BAHCC1: variants seen among roughly 807,000 people sequenced by gnomAD.
The protein encoded by BAHCC1 is BAH domain and coiled-coil containing 1, also known as BAH and coiled-coil domain-containing protein 1.
In BAHCC1, 43 loss-of-function variants were observed where a neutral mutation model predicts 88.2. That is an observed-to-expected ratio of 0.49 (90% CI 0.38 to 0.63). The LOEUF (loss-of-function observed/expected upper bound fraction) is 0.63, where lower values mean the gene tolerates loss of function less well. BAHCC1 is among the 20% of genes least tolerant of loss of function. The pLI, the probability that BAHCC1 is intolerant of heterozygous loss-of-function variation, is 0.00. For missense variants in BAHCC1, 3,023 were observed against 1,654.8 expected (o/e 1.83, Z -14.34); for synonymous variants, 1,510 against 745.5 (o/e 2.03, Z -16.71).
intron 2 of BAHCC1, chr17:81,421,915 C>T (rs1468353119): frequency 9.9e-6 from 4 of 405,282 alleles, no homozygotes; most frequent in East Asian, 9.5e-5. Context: ...CCATGTGATA[C>T]TGGAGAAGGG....
intron 2 of BAHCC1, among the ~76,000 whole-genome samples, chr17:81,405,882 C>A (rs1339920537): frequency 3.9e-5 from 6 of 152,228 alleles, no homozygotes; most frequent in Admixed American, 3.9e-4. Context: ...TCTCCCCCAA[C>A]CCCCTGAGCT....
At chr17:81,455,125 C>T in intron 14 of BAHCC1, 142 bp from the exon 15 acceptor site, 1 of 612,072 alleles carries the variant, frequency 1.6e-6, no homozygotes, top group South Asian at 1.9e-5. Flanking sequence ...CGGGGCCCCT[C>T]ACCCCCTGCT....
rs375016349 is a variant in BAHCC1, at chr17:81,413,603, C to T, written c.179-13197C>T. ...CACCTGTGGGAGGTCCGTTCCCAGA[C>T]GTCCTGCCTTGGTGGAGTGAGCAGA... On this transcript the variant is annotated intron_variant, in intron 2 of 27. Transcript: ENST00000675386. 4.2e-4 allele frequency among the ~76,000 whole-genome samples: 64 copies of T among 152,380 alleles called. 1 individual carries two copies. Among genetic ancestry groups the T allele is most frequent in the African/African-American group, 1.1e-3 (47 of 41,592 alleles).
intron 11 of BAHCC1, 113 bp downstream of exon 11, chr17:81,447,961 AGTGTGGTAG>A (rs1555655055): frequency 4.5e-6 from 3 of 662,488 alleles, no homozygotes; most frequent in Admixed American, 4.2e-5. Context: ...TTGTCCCCAA[AGTGTGGTAG>A]GTCCCCTGGA....
rs782395761 is a variant in BAHCC1, at chr17:81,447,125, A to G, written c.3253A>G (p.Thr1085Ala). 6.4e-6 allele frequency: 5 copies of G among 778,892 alleles called. No homozygotes were observed. The Admixed American group carries it at 8.5e-5, about 13-fold the overall frequency. The allele number at this position is 778,892 out of a possible 1,614,324, so 48.2% of individuals were successfully genotyped here. A position where few individuals can be genotyped will look rare whatever the true frequency, so the allele number is the denominator to read the frequency against. ...VHSSNLEDPE[T>A]MQTTAPGAQP... Reference sequence around the variant, plus strand: ...CTCTTCTAACCTCGAGGACCCTGAAACTATGCAAACCACCGCCCCGGGGGC... The same window carrying G: ...CTCTTCTAACCTCGAGGACCCTGAAGCTATGCAAACCACCGCCCCGGGGGC... Residue 1085 changes from threonine (T) to alanine (A), a missense_variant, in exon 11 of 28, where the codon ACT (threonine) becomes GCT (alanine). Thr to Ala is a moderately conservative substitution (Grantham distance 58). Coordinates refer to ENST00000675386, the MANE Select transcript of BAHCC1 (RefSeq NM_001377448.1).
At chr17:81,444,016 G>C (rs1449885096) in intron 6 of BAHCC1, 99 bp downstream of exon 6, 1 of 669,128 alleles carries the variant, frequency 1.5e-6, no homozygotes, top group Admixed American at 2.1e-5. Flanking sequence ...TCATGGCTGG[G>C]GCAGCAGATT....
At position 81,399,573 on chromosome 17, in the gene BAHCC1, C is replaced by A; in HGVS notation, c.-167C>A. On this transcript the variant is annotated 5_prime_UTR_variant, in exon 2 of 28. Coordinates refer to ENST00000675386, the MANE Select transcript of BAHCC1 (RefSeq NM_001377448.1). This position sits in a 1 kb window ranked among gnomAD's most constrained non-coding sequence, Gnocchi z 4.5. ...CAGCGGCCGCTGGCTCGGTGCGCGG[C>A]CGCCCGCCGAGAAGCCCAGTCCTCC... The A allele has an allele frequency of 2.4e-6, 1 of 415,100 alleles. No individual in the cohort carries two copies. Among genetic ancestry groups the A allele is most frequent in the Non-Finnish European group, 4.4e-6 (1 of 228,916 alleles). The allele number at this position is 415,100 out of a possible 1,614,324, so 25.7% of individuals were successfully genotyped here.
intron 3 of BAHCC1, among the ~76,000 whole-genome samples, chr17:81,429,143 C>T (rs1300274190): frequency 1.3e-5 from 2 of 152,172 alleles, no homozygotes; most frequent in Non-Finnish European, 2.9e-5. Context: ...GGCACGTGTG[C>T]GGGACAGTGG....
At chr17:81,423,911 C>T (rs2064143958) in intron 2 of BAHCC1, among the ~76,000 whole-genome samples, 1 of 152,174 alleles carries the variant, frequency 6.6e-6, no homozygotes, top group Non-Finnish European at 1.5e-5. Flanking sequence ...CACCATTTCC[C>T]ACACTCAGGC....
intron 2 of BAHCC1, among the ~76,000 whole-genome samples, chr17:81,409,856 C>T (rs781930073): frequency 4.6e-5 from 7 of 152,342 alleles, no homozygotes; most frequent in Admixed American, 3.9e-4. Context: ...CAGGCAACAG[C>T]GCTGCCTCAG....
Position 81,462,555 on chromosome 17 carries a change from C to T in BAHCC1, c.7384-185C>T. 1.0e-5 allele frequency: 6 copies of T among 584,424 alleles called. No homozygotes were observed. In the East Asian group the frequency reaches 1.4e-4, roughly 14 times the overall value. The allele number at this position is 584,424 out of a possible 1,614,324, so 36.2% of individuals were successfully genotyped here. A position where few individuals can be genotyped will look rare whatever the true frequency, so the allele number is the denominator to read the frequency against. ...GGGCTCCGTGGAGGCGTGGCCCCTG[C>T]TCCAGATCCATGGCTGCCATGGCCT... is the stretch of plus-strand genomic sequence containing the variant. On this transcript the variant is annotated intron_variant, in intron 26 of 27. Coordinates refer to ENST00000675386, the MANE Select transcript of BAHCC1 (RefSeq NM_001377448.1).
rs1555659492 is a variant in BAHCC1, at chr17:81,461,689, CGAG to C, written c.7029_7031del (p.Glu2343del). On this transcript the variant is annotated inframe_deletion, in exon 26 of 28. Coordinates refer to ENST00000675386, the MANE Select transcript of BAHCC1 (RefSeq NM_001377448.1). ...CCTCCAGCCTCTGCTCCTCCGACAACGAGGACTCGTCCTACAGCTCAGACGACG... is the reference window on the plus strand; with the variant it reads ...CCTCCAGCCTCTGCTCCTCCGACAACGACTCGTCCTACAGCTCAGACGACG... 2 of 721,882 alleles carry C rather than the reference CGAG, an allele frequency of 2.8e-6. No individual in the cohort carries two copies. Among genetic ancestry groups the C allele is most frequent in the Non-Finnish European group, 5.2e-6 (2 of 387,398 alleles). The allele number at this position is 721,882 out of a possible 1,614,324, so 44.7% of individuals were successfully genotyped here. A position where few individuals can be genotyped will look rare whatever the true frequency, so the allele number is the denominator to read the frequency against.
intron 2 of BAHCC1, among the ~76,000 whole-genome samples, chr17:81,414,068 C>A (rs925224017): frequency 7.2e-5 from 11 of 152,328 alleles, no homozygotes; most frequent in African/African-American, 2.2e-4. Flanking sequence ...TCTAGACTCT[C>A]CTCTGAAGCT....
intron 3 of BAHCC1, among the ~76,000 whole-genome samples, chr17:81,431,456 G>T (rs1260614968): frequency 1.3e-5 from 2 of 152,232 alleles, no homozygotes; most frequent in African/African-American, 4.8e-5. Context: ...ACCTGGCAGA[G>T]GGCTGTATGG....
At chr17:81,440,142 G>A (rs968031470) in intron 4 of BAHCC1, among the ~76,000 whole-genome samples, 1 of 152,192 alleles carries the variant, frequency 6.6e-6, no homozygotes, top group Non-Finnish European at 1.5e-5. Flanking sequence ...TCCTGTGGAC[G>A]GGCTCTGCTG....
intron 2 of BAHCC1, among the ~76,000 whole-genome samples, chr17:81,417,556 C>CG (rs2064049250): frequency 3.3e-5 from 1 of 30,428 alleles, no homozygotes; most frequent in Admixed American, 4.0e-4. Flanking sequence ...GCGTCGGCCA[C>CG]CCCCCCCCCG....
chr17:81,398,931 A>AT (rs2063774322), intron 1 of BAHCC1, among the ~76,000 whole-genome samples: 1 of 148,852 alleles, frequency 6.7e-6, no homozygotes, highest in South Asian at 2.1e-4. Flanking sequence ...AAGGAAGGTT[A>AT]TTAAAAAAAA....
intron 23 of BAHCC1, 121 bp from the exon 24 acceptor site, chr17:81,460,156 G>A (rs141925063): frequency 4.2e-5 from 27 of 645,180 alleles, no homozygotes; most frequent in African/African-American, 3.3e-4. Flanking sequence ...TGTCTGTGTG[G>A]TCAGGGAGCA....
At chr17:81,424,357 G>A (rs782114864) in intron 2 of BAHCC1, among the ~76,000 whole-genome samples, 12 of 152,216 alleles carry the variant, frequency 7.9e-5, no homozygotes, top group Non-Finnish European at 1.3e-4. Context: ...TGGCAAGTTC[G>A]CCAGTGTGTG....
Sources: gnomAD v4.1 joint callset for allele counts (sites outside exome capture counted in the v4.1 genomes callset) on GRCh38, gnomAD v4.1.1 for gene constraint, Gnocchi (gnomAD v3.1) non-coding constraint, MANE v1.5 for transcripts, NCBI Gene and HGNC (gene_info 2026-07-23, HGNC 2026-07-21) for gene names.